KALRN: variants seen among roughly 807,000 people sequenced by gnomAD.
The protein encoded by KALRN is kalirin RhoGEF kinase.
KALRN carries 70 observed loss-of-function variants against 353.7 expected under a neutral mutation model. The ratio of observed to expected loss-of-function variants is 0.20; its 90% CI spans 0.16 to 0.24. The LOEUF is 0.24. KALRN is among the 10% of genes least tolerant of loss of function. KALRN has a pLI of 1.00. For synonymous variants in KALRN, 1,391 were observed against 1,434.8 expected, an observed-to-expected ratio of 0.97 and a Z score of 0.69; for missense variants, 2,791 against 3,756.7, an observed-to-expected ratio of 0.74 and a Z score of 6.72.
intron 37 of KALRN, among the ~76,000 whole-genome samples, 184 bp downstream of exon 37, chr3:124,637,487 G>A (rs370154947): frequency 2.6e-5 from 4 of 152,308 alleles, no homozygotes; most frequent in East Asian, 3.9e-4. Context: ...AATGGGTATA[G>A]GGAATTAATA....
intron 3 of KALRN, among the ~76,000 whole-genome samples, chr3:124,236,971 G>A (rs1156614224): frequency 6.6e-6 from 1 of 152,184 alleles, no homozygotes; most frequent in African/African-American, 2.4e-5. Context: ...GCCTCCTGAG[G>A]GACCTGCATT....
intron 33 of KALRN, among the ~76,000 whole-genome samples, chr3:124,503,750 C>T (rs904440334): frequency 3.9e-5 from 6 of 152,268 alleles, no homozygotes; most frequent in African/African-American, 9.6e-5. Context: ...TGTGAGGAAT[C>T]GAAGTCACAG....
intron 13 of KALRN, 45 bp from the exon 14 acceptor site, chr3:124,413,425 C>T: frequency 7.8e-6 from 12 of 1,529,348 alleles, no homozygotes; most frequent in Non-Finnish European, 1.1e-5. Context: ...AACAATCTCT[C>T]GTGGACCTGG....
intron 50 of KALRN, 116 bp downstream of exon 50, chr3:124,678,429 CAGAGGGGAAGTAG>C: frequency 1.8e-6 from 2 of 1,130,448 alleles, no homozygotes; most frequent in South Asian, 3.1e-5. Flanking sequence ...GTATGGGTAC[CAGAGGGGAAGTAG>C]TTTAGCAGGA....
intron 1 of KALRN, among the ~76,000 whole-genome samples, chr3:124,177,578 A>G (rs996638297): frequency 6.6e-6 from 1 of 152,182 alleles, no homozygotes; most frequent in South Asian, 2.1e-4. Flanking sequence ...CATGCAGATT[A>G]CCCACATGGT....
chr3:124,354,274 C>G (rs2083146737), intron 10 of KALRN, among the ~76,000 whole-genome samples: 1 of 152,190 alleles, frequency 6.6e-6, no homozygotes, highest in Non-Finnish European at 1.5e-5. Flanking sequence ...GTTTTTATCT[C>G]TCGTTCCATG....
chr3:124,573,457 AT>A (rs35632971), intron 34 of KALRN, among the ~76,000 whole-genome samples: 6,369 of 152,058 alleles, frequency 0.042, 435 homozygotes, highest in African/African-American at 0.14. Context: ...CATCCCCAGG[AT>A]TGTTCAAGGG....
intron 9 of KALRN, 114 bp from the exon 10 acceptor site, chr3:124,347,029 C>T (rs2082323918): frequency 2.0e-6 from 3 of 1,496,892 alleles, no homozygotes; most frequent in African/African-American, 2.7e-5. Flanking sequence ...TGAACTGCTG[C>T]TTTACAACTG....
In KALRN at chr3:124,360,347, G is replaced by A. The variant is rs528116986; in HGVS notation, c.1770+13082G>A. ...GTCAGGGAGATGTGCGATTCCATTT[G>A]GTGTATGTCACTGGGCTGGAGCTGA... On this transcript the variant is annotated intron_variant, in intron 10 of 59. Coordinates refer to ENST00000682506, the MANE Select transcript of KALRN (RefSeq NM_001388419.1). Among the ~76,000 whole-genome samples, 5 of 152,298 alleles carry A rather than the reference G, an allele frequency of 3.3e-5. No homozygotes were observed. The East Asian group carries it at 7.7e-4, about 23-fold the overall frequency.
At chr3:124,244,797 G>A (rs774724971) in intron 3 of KALRN, among the ~76,000 whole-genome samples, 3 of 151,952 alleles carry the variant, frequency 2.0e-5, no homozygotes, top group African/African-American at 7.3e-5. Context: ...TGGTTTCTTC[G>A]AGATAAATCT....
chr3:124,507,374 A>AC (rs1249118179), intron 33 of KALRN, among the ~76,000 whole-genome samples: 1 of 152,210 alleles, frequency 6.6e-6, no homozygotes, highest in African/African-American at 2.4e-5. Context: ...TTAAGACAAT[A>AC]CTGCCAACAG....
At chr3:124,445,966 C>T (rs2093825767) in intron 19 of KALRN, among the ~76,000 whole-genome samples, 195 bp from the exon 20 acceptor site, 1 of 152,226 alleles carries the variant, frequency 6.6e-6, no homozygotes. Context: ...CCCCTAGACT[C>T]CTCGACCTTG....
chr3:124,711,922 C>T (rs1176800063), intron 57 of KALRN, among the ~76,000 whole-genome samples: 1 of 151,954 alleles, frequency 6.6e-6, no homozygotes, highest in African/African-American at 2.4e-5. Context: ...AGAAAGTTTC[C>T]ATAATAAGAA....
intron 1 of KALRN, among the ~76,000 whole-genome samples, chr3:124,179,770 T>C (rs2073309549): frequency 1.3e-5 from 2 of 152,246 alleles, no homozygotes; most frequent in South Asian, 4.1e-4. Context: ...ATATATGGTC[T>C]GTCATTTACC....
intron 1 of KALRN, among the ~76,000 whole-genome samples, chr3:124,212,974 G>A (rs907262364): frequency 2.6e-5 from 4 of 151,378 alleles, no homozygotes; most frequent in African/African-American, 9.7e-5. Flanking sequence ...TTTCTCTATC[G>A]TATTTGATAC....
chr3:124,578,419 G>A (rs867822075), intron 34 of KALRN, among the ~76,000 whole-genome samples: 1 of 152,228 alleles, frequency 6.6e-6, no homozygotes, highest in Non-Finnish European at 1.5e-5. Flanking sequence ...CAACCAGGGA[G>A]CATGGCAGGC....
chr3:124,252,871 G>A (rs2071380719), intron 3 of KALRN, among the ~76,000 whole-genome samples: 2 of 152,192 alleles, frequency 1.3e-5, no homozygotes, highest in South Asian at 4.1e-4. Context: ...CCATCCAGGA[G>A]GCCTCCCCAT....
At chr3:124,325,532 T>A (rs1233510274) in intron 6 of KALRN, among the ~76,000 whole-genome samples, 1 of 152,120 alleles carries the variant, frequency 6.6e-6, no homozygotes, top group Admixed American at 6.5e-5. Context: ...GCCCTGTTTG[T>A]TGTATGTAGA....
At chr3:124,461,659 G>A (rs929750801) in intron 23 of KALRN, among the ~76,000 whole-genome samples, 1 of 151,978 alleles carries the variant, frequency 6.6e-6, no homozygotes, top group Non-Finnish European at 1.5e-5. Context: ...ACCTAGCTGA[G>A]CACAAACCTG....
Sources: gnomAD v4.1 joint callset for allele counts (sites outside exome capture counted in the v4.1 genomes callset) on GRCh38, gnomAD v4.1.1 for gene constraint, MANE v1.5 for transcripts, NCBI Gene and HGNC (gene_info 2026-07-23, HGNC 2026-07-21) for gene names.